Variants in ZZEF1 observed in about 807,000 individuals in gnomAD.
ZZEF1 encodes zinc finger ZZ-type and EF-hand domain-containing protein 1.
In ZZEF1, 157 loss-of-function variants were observed where a neutral mutation model predicts 342.8. That is an observed-to-expected ratio of 0.46 (90% CI 0.40 to 0.52). The LOEUF (loss-of-function observed/expected upper bound fraction) is 0.52. Among genes scored for constraint, ZZEF1 ranks in the 20% least tolerant of loss-of-function variants. The probability of loss-of-function intolerance (pLI) is 0.00; values close to 1 mark genes in which losing one functional copy is unlikely to be tolerated. For missense variants in ZZEF1, 3,480 were observed against 3,725.6 expected, an observed-to-expected ratio of 0.93 and a Z score of 1.72; for synonymous variants, 1,505 against 1,429.1, an observed-to-expected ratio of 1.05 and a Z score of -1.20.
rs780589324 is a variant in ZZEF1, at chr17:4,142,594, C to T, written c.302G>A (p.Arg101Gln). 5 of 1,604,832 alleles carry T rather than the reference C, an allele frequency of 3.1e-6. No homozygotes were observed. Among genetic ancestry groups the T allele is most frequent in the Non-Finnish European group, 3.4e-6 (4 of 1,179,678 alleles). Residue 101 changes from arginine (R) to glutamine (Q), a missense_variant, in exon 1 of 55, where the codon CGG becomes CAG. Physicochemically the swap from Arg to Gln is conservative, Grantham distance 43. Transcript: ENST00000381638. ...GEESVTLEQF[R>Q]ELLEARGAGC... ...GGCGCCGCGAGCCTCCAGCAGCTCC[C>T]GGAACTGCTCCAGAGTGACAGACTC...
At chr17:4,040,238 A>G (rs2056775113) in intron 39 of ZZEF1, among the ~76,000 whole-genome samples, 1 of 152,246 alleles carries the variant, frequency 6.6e-6, no homozygotes, top group African/African-American at 2.4e-5. Flanking sequence ...TACTTGAGGA[A>G]GTATTCTAGC....
intron 1 of ZZEF1, among the ~76,000 whole-genome samples, chr17:4,132,295 T>A (rs113196438): frequency 2.6e-5 from 4 of 151,832 alleles, no homozygotes; most frequent in Non-Finnish European, 4.4e-5. Flanking sequence ...GTGATTCCCA[T>A]GCCTCAGCCT....
chr17:4,027,947 G>A (rs1228762552), intron 42 of ZZEF1, among the ~76,000 whole-genome samples: 1 of 152,080 alleles, frequency 6.6e-6, no homozygotes, highest in Non-Finnish European at 1.5e-5. Flanking sequence ...GCCTCTCAGA[G>A]TGCTGGGTTA....
chr17:4,098,241 C>CAAAAA (rs61342066), intron 9 of ZZEF1, among the ~76,000 whole-genome samples: 1 of 103,384 alleles, frequency 9.7e-6, no homozygotes, highest in Admixed American at 1.0e-4. Context: ...GACTCCAACT[C>CAAAAA]AAAAAAAAAA....
At chr17:4,072,992 T>C (rs7215720) in intron 24 of ZZEF1, among the ~76,000 whole-genome samples, 2,942 of 152,314 alleles carry the variant, frequency 0.019, 100 homozygotes, top group African/African-American at 0.066. Flanking sequence ...ACAAGGTACC[T>C]TGGAAATGAC....
At chr17:4,033,364 T>C (rs1477905000) in intron 40 of ZZEF1, 1 of 176,100 alleles carries the variant, frequency 5.7e-6, no homozygotes, top group Non-Finnish European at 1.2e-5. Flanking sequence ...TATTATTTTT[T>C]TGAGACGGAG....
rs1048188982 is a variant in ZZEF1 at position 4,004,680 on chromosome 17, G to A, written c.*2210C>T. On this transcript the variant is annotated 3_prime_UTR_variant, in exon 55 of 55. Transcript: ENST00000381638. ...TCTGTTTGTACAACAGGTATGCTCT[G>A]GAACAGGATTTCTTTACAGCGTAGG... is the stretch of plus-strand genomic sequence containing the variant. 3 of 152,460 alleles carry A rather than the reference G, an allele frequency of 2.0e-5. No individual in the cohort carries two copies. Among genetic ancestry groups the A allele is most frequent in the Non-Finnish European group, 4.4e-5 (3 of 68,042 alleles). The allele number at this position is 152,460 out of a possible 1,614,324, so 9.4% of individuals were successfully genotyped here.
At position 4,100,813 on chromosome 17, in the gene ZZEF1, C is replaced by T. The variant is rs545264429; in HGVS notation, c.1672+1504G>A. On this transcript the variant is annotated intron_variant, in intron 9 of 54. Transcript: ENST00000381638. The stretch of plus-strand genomic sequence containing the variant: ...TCATACCACTGCACTCCAGCCTGGG[C>T]GATAGAGTGAGACTTCGTCTCAAAA... 2.0e-3 allele frequency among the ~76,000 whole-genome samples: 298 copies of T among 152,114 alleles called. 1 individual carries two copies. The highest frequency in any genetic ancestry group is 6.8e-3 in the African/African-American group (281 of 41,496).
chr17:4,125,153 C>T (rs555318310), intron 1 of ZZEF1, among the ~76,000 whole-genome samples: 70 of 152,242 alleles, frequency 4.6e-4, no homozygotes, highest in African/African-American at 1.6e-3. Flanking sequence ...ACAAGACTTA[C>T]CTCACTTAGC....
At chr17:4,088,614 T>C (rs2057885209) in intron 13 of ZZEF1, 64 bp downstream of exon 13, 1 of 1,556,728 alleles carries the variant, frequency 6.4e-7, no homozygotes, top group South Asian at 1.2e-5. Context: ...TGGTGTTCAT[T>C]TCTCTGAATA....
At chr17:4,075,011 A>T in intron 23 of ZZEF1, 86 bp downstream of exon 23, 2 of 1,353,048 alleles carry the variant, frequency 1.5e-6, no homozygotes, top group Non-Finnish European at 2.1e-6. Flanking sequence ...CCCTTCAAAG[A>T]CCTTACCTCT....
At chr17:4,113,280 A>C (rs2058343175) in intron 4 of ZZEF1, among the ~76,000 whole-genome samples, 1 of 152,238 alleles carries the variant, frequency 6.6e-6, no homozygotes, top group African/African-American at 2.4e-5. Flanking sequence ...TAGCAGCTTC[A>C]GAGCTTCCAG....
At chr17:4,056,077 G>A (rs1436099450) in intron 33 of ZZEF1, 139 bp downstream of exon 33, 4 of 918,870 alleles carry the variant, frequency 4.4e-6, no homozygotes, top group South Asian at 6.6e-5. Context: ...GCATTCAGCG[G>A]TTGGGGACCC....
At chr17:4,055,976 C>T (rs2057149401) in intron 33 of ZZEF1, among the ~76,000 whole-genome samples, 1 of 152,224 alleles carries the variant, frequency 6.6e-6, no homozygotes, top group African/African-American at 2.4e-5. Flanking sequence ...TGGGCTCATG[C>T]TCCCGTGAAA....
intron 46 of ZZEF1, 71 bp from the exon 47 acceptor site, chr17:4,018,042 G>A: frequency 6.4e-7 from 1 of 1,574,316 alleles, no homozygotes; most frequent in Non-Finnish European, 8.6e-7. Context: ...ACTTAAACTT[G>A]TTGGCAATGT....
chr17:4,055,727 G>A (rs916143483), intron 33 of ZZEF1, among the ~76,000 whole-genome samples: 1 of 152,214 alleles, frequency 6.6e-6, no homozygotes, highest in Non-Finnish European at 1.5e-5. Flanking sequence ...CTACGGCAGG[G>A]AGCCACTCTG....
intron 1 of ZZEF1, among the ~76,000 whole-genome samples, chr17:4,129,171 T>C (rs1597937419): frequency 6.6e-6 from 1 of 152,264 alleles, no homozygotes; most frequent in East Asian, 1.9e-4. Context: ...ATACTCAGAG[T>C]TGTGCAACCA....
At chr17:4,083,263 T>A (rs2057757474) in intron 16 of ZZEF1, among the ~76,000 whole-genome samples, 1 of 152,230 alleles carries the variant, frequency 6.6e-6, no homozygotes, top group Non-Finnish European at 1.5e-5. Context: ...ACGTCATGCG[T>A]CCTGTTTCTA....
At chr17:4,055,694 C>A (rs1466684159) in intron 33 of ZZEF1, among the ~76,000 whole-genome samples, 1 of 152,184 alleles carries the variant, frequency 6.6e-6, no homozygotes, top group Non-Finnish European at 1.5e-5. Flanking sequence ...GCTTTAAGAG[C>A]CAATTTTTCA....
Sources: gnomAD v4.1 joint callset for allele counts (sites outside exome capture counted in the v4.1 genomes callset) on GRCh38, gnomAD v4.1.1 for gene constraint, MANE v1.5 for transcripts, NCBI Gene and HGNC (gene_info 2026-07-23, HGNC 2026-07-21) for gene names.